The following SOX5 variants were observed in gnomAD, a reference collection of about 807,000 sequenced individuals.
SOX5 encodes transcription factor SOX-5.
Under a neutral mutation model 92.0 loss-of-function variants are expected in SOX5, and 9 were observed. That is an observed-to-expected ratio of 0.10 (90% confidence interval 0.06 to 0.17). SOX5 has a LOEUF of 0.17. Ranked by LOEUF, SOX5 falls within the 10% of genes least tolerant of loss-of-function variation. The pLI, the probability that SOX5 is intolerant of heterozygous loss-of-function variation, is 1.00. For missense variants in SOX5, 642 were observed against 944.5 expected, an observed-to-expected ratio of 0.68 and a Z score of 4.20; for synonymous variants, 344 against 336.3, an observed-to-expected ratio of 1.02 and a Z score of -0.25.
At chr12:23,645,608 C>A (rs1038502083) in intron 7 of SOX5, among the ~76,000 whole-genome samples, 1 of 152,110 alleles carries the variant, frequency 6.6e-6, no homozygotes, top group African/African-American at 2.4e-5. Flanking sequence ...GCATTACTTG[C>A]ATCTAATTAT....
At chr12:23,537,415 C>G (rs1287500037) in intron 13 of SOX5, among the ~76,000 whole-genome samples, 1 of 152,124 alleles carries the variant, frequency 6.6e-6, no homozygotes, top group Non-Finnish European at 1.5e-5. Flanking sequence ...ATCTGTGACT[C>G]AAACTCAGAT....
intron 1 of SOX5, among the ~76,000 whole-genome samples, chr12:24,383,239 G>A (rs1365886095): frequency 1.3e-5 from 2 of 152,096 alleles, no homozygotes; most frequent in Non-Finnish European, 2.9e-5. Flanking sequence ...TTATTTAAAA[G>A]ATACAGCAGA....
intron 3 of SOX5, among the ~76,000 whole-genome samples, chr12:23,756,464 CCTTTT>C (rs1214464753): frequency 1.3e-5 from 2 of 151,832 alleles, no homozygotes; most frequent in African/African-American, 2.4e-5. Flanking sequence ...TTTGACCTTT[CCTTTT>C]GTGTTGAACT....
At chr12:24,542,377 G>C (rs1848990171) in intron 1 of SOX5, among the ~76,000 whole-genome samples, 1 of 152,170 alleles carries the variant, frequency 6.6e-6, no homozygotes, top group African/African-American at 2.4e-5. Context: ...AATAAAACAG[G>C]CTACTCTATG....
At chr12:24,501,013 A>G (rs1948142396) in intron 1 of SOX5, among the ~76,000 whole-genome samples, 1 of 152,200 alleles carries the variant, frequency 6.6e-6, no homozygotes, top group African/African-American at 2.4e-5. Flanking sequence ...AACAGCCTGC[A>G]TTCATTAGTC....
intron 3 of SOX5, among the ~76,000 whole-genome samples, chr12:24,240,085 T>C (rs1296966539): frequency 3.3e-5 from 5 of 152,226 alleles, no homozygotes; most frequent in African/African-American, 9.6e-5. Flanking sequence ...ATTTACTGCC[T>C]GAGTATTCCT....
At chr12:23,757,945 A>G (rs1316039889) in intron 3 of SOX5, among the ~76,000 whole-genome samples, 1 of 149,352 alleles carries the variant, frequency 6.7e-6, no homozygotes, top group African/African-American at 2.4e-5. Context: ...TAACTAGCAT[A>G]AAGATATAAG....
At chr12:24,311,988 A>G (rs532345301) in intron 2 of SOX5, among the ~76,000 whole-genome samples, 1 of 152,360 alleles carries the variant, frequency 6.6e-6, no homozygotes, top group African/African-American at 2.4e-5. Context: ...TCCCTTTAAA[A>G]GAAGTGATTT....
intron 7 of SOX5, 138 bp downstream of exon 7, chr12:23,665,306 C>T: frequency 2.2e-6 from 2 of 927,282 alleles, no homozygotes; most frequent in East Asian, 2.4e-5. Context: ...CACTTCTCCA[C>T]ACATTCTGTG....
chr12:24,475,993 TAAAAAA>T (rs71450741), intron 1 of SOX5, among the ~76,000 whole-genome samples: 4 of 86,136 alleles, frequency 4.6e-5, no homozygotes, highest in Non-Finnish European at 6.6e-5. Context: ...GAAATACATT[TAAAAAA>T]AAAAAAAAAA....
intron 4 of SOX5, among the ~76,000 whole-genome samples, chr12:24,004,309 A>G (rs200982695): frequency 1.4e-3 from 2 of 1,450 alleles, no homozygotes; most frequent in East Asian, 0.17. Flanking sequence ...TTTGTTTCTC[A>G]AAAAAAAAAA....
chr12:24,505,022 C>T (rs199512688), intron 1 of SOX5, among the ~76,000 whole-genome samples: 2 of 152,318 alleles, frequency 1.3e-5, no homozygotes, highest in East Asian at 3.9e-4. Context: ...GAGACTAAAA[C>T]ACCAGATTCT....
chr12:23,848,010 A>G lies in SOX5; in HGVS notation c.271-1817T>C, dbSNP rs535766319. Reference sequence around the variant, plus strand: ...ATAGGAATGTTTTTATGAATGGTCCATAACACACATTAGCTTAGTTTCATG... The same window carrying G: ...ATAGGAATGTTTTTATGAATGGTCCGTAACACACATTAGCTTAGTTTCATG... On this transcript the variant is annotated intron_variant, in intron 2 of 14. Coordinates refer to ENST00000451604, the MANE Select transcript of SOX5 (RefSeq NM_006940.6). 3.9e-5 allele frequency among the ~76,000 whole-genome samples: 6 copies of G among 152,306 alleles called. No individual in the cohort carries two copies. In the South Asian group the frequency reaches 1.0e-3, roughly 26 times the overall value.
intron 1 of SOX5, among the ~76,000 whole-genome samples, chr12:23,930,820 T>C (rs1211742878): frequency 6.6e-6 from 1 of 151,710 alleles, no homozygotes. Flanking sequence ...GCCACACTCC[T>C]GGCCCATATG....
chr12:24,243,975 C>T (rs1938045785), intron 3 of SOX5, among the ~76,000 whole-genome samples: 1 of 150,696 alleles, frequency 6.6e-6, no homozygotes, highest in Non-Finnish European at 1.5e-5. Flanking sequence ...ATCTAATTTA[C>T]CAATTTGCAA....
At chr12:23,645,009 A>G (rs758669349) in intron 7 of SOX5, among the ~76,000 whole-genome samples, 5 of 152,204 alleles carry the variant, frequency 3.3e-5, no homozygotes, top group African/African-American at 7.2e-5. Flanking sequence ...AAATTAACCA[A>G]TTCATAAGCA....
At chr12:23,957,623 A>G (rs1276741482) in intron 4 of SOX5, among the ~76,000 whole-genome samples, 1 of 152,226 alleles carries the variant, frequency 6.6e-6, no homozygotes, top group East Asian at 1.9e-4. Flanking sequence ...CCTAGTTGTT[A>G]TAATGCATTG....
intron 4 of SOX5, among the ~76,000 whole-genome samples, chr12:24,016,884 G>A (rs937213350): frequency 6.6e-6 from 1 of 152,170 alleles, no homozygotes; most frequent in Non-Finnish European, 1.5e-5. Context: ...CCGTAGATTT[G>A]ATGTTTACTG....
chr12:23,678,451 A>T (rs527676897), intron 6 of SOX5, among the ~76,000 whole-genome samples: 1 of 152,156 alleles, frequency 6.6e-6, no homozygotes, highest in Non-Finnish European at 1.5e-5. Flanking sequence ...TCTTGATTAG[A>T]AATAATTTTT....
Sources: gnomAD v4.1 joint callset for allele counts (sites outside exome capture counted in the v4.1 genomes callset) on GRCh38, gnomAD v4.1.1 for gene constraint, MANE v1.5 for transcripts, NCBI Gene and HGNC (gene_info 2026-07-23, HGNC 2026-07-21) for gene names.